The following BSPH1 variants were observed in gnomAD, a reference collection of about 807,000 sequenced individuals.
BSPH1 encodes binder of sperm protein homolog 1.
Under a neutral mutation model 22.5 loss-of-function variants are expected in BSPH1, and 21 were observed. The ratio of observed to expected loss-of-function variants is 0.93; its 90% CI spans 0.66 to 1.35. The LOEUF (loss-of-function observed/expected upper bound fraction) is 1.35, where lower values mean the gene tolerates loss of function less well. Ranked by LOEUF, BSPH1 falls within the 40% of genes most tolerant of loss-of-function variation. The pLI is 0.00. For missense variants in BSPH1, 141 were observed against 154.2 expected, an observed-to-expected ratio of 0.91 and a Z score of 0.45; for synonymous variants, 42 against 53.6, an observed-to-expected ratio of 0.78 and a Z score of 0.95.
At chr19:47,990,620 A>AT (rs11415530) in intron 1 of BSPH1, among the ~76,000 whole-genome samples, 26,163 of 150,662 alleles carry the variant, frequency 0.17, 2,495 homozygotes, top group Non-Finnish European at 0.22. Context: ...AAGCAGTGTT[A>AT]TTTTTTTTTA....
intron 1 of BSPH1, 139 bp from the exon 2 acceptor site, chr19:47,981,080 T>C (rs1969415711): frequency 6.3e-6 from 3 of 475,466 alleles, no homozygotes; most frequent in Non-Finnish European, 1.1e-5. Context: ...TTATTTTTAG[T>C]AGTGTGATTG....
At chr19:47,976,604 A>AAAAAAACC in intron 5 of BSPH1, 106 bp downstream of exon 5, 1 of 796,628 alleles carries the variant, frequency 1.3e-6, no homozygotes, top group Non-Finnish European at 1.9e-6. Flanking sequence ...AAACAAAAAA[A>AAAAAAACC]AACCCTCTCT....
intron 1 of BSPH1, among the ~76,000 whole-genome samples, chr19:47,982,581 C>A (rs991371927): frequency 2.0e-5 from 3 of 152,172 alleles, no homozygotes; most frequent in African/African-American, 7.2e-5. Flanking sequence ...TTTTTAAAAA[C>A]CCAGATCCCT....
chr19:47,983,576 A>G (rs1162242880), intron 1 of BSPH1, among the ~76,000 whole-genome samples: 1 of 152,138 alleles, frequency 6.6e-6, no homozygotes, highest in Non-Finnish European at 1.5e-5. Context: ...CCTCGGTGCT[A>G]TAAAATTATG....
At chr19:47,977,151 T>C (rs1302811668) in intron 4 of BSPH1, among the ~76,000 whole-genome samples, 3 of 152,252 alleles carry the variant, frequency 2.0e-5, no homozygotes, top group Non-Finnish European at 4.4e-5. Flanking sequence ...ATCACTTTGC[T>C]GTTCTATTAA....
chr19:47,977,750 T>C (rs1200717868), intron 3 of BSPH1: 2 of 879,932 alleles, frequency 2.3e-6, no homozygotes, highest in African/African-American at 1.8e-5. Context: ...TGCTTAGCAT[T>C]TGCCCCAGTT....
At chr19:47,975,504 T>G (rs918722966) in intron 5 of BSPH1, among the ~76,000 whole-genome samples, 4 of 152,234 alleles carry the variant, frequency 2.6e-5, no homozygotes, top group Non-Finnish European at 5.9e-5. Flanking sequence ...CACCCATCTT[T>G]GTTGCCCTTG....
intron 1 of BSPH1, among the ~76,000 whole-genome samples, chr19:47,989,140 ATTAT>A (rs1375590923): frequency 1.4e-5 from 2 of 146,538 alleles, no homozygotes; most frequent in Admixed American, 6.9e-5. Context: ...TATTATTATT[ATTAT>A]TATTATTATT....
chr19:47,984,544 A>G (rs1969451141), intron 1 of BSPH1, among the ~76,000 whole-genome samples: 1 of 152,178 alleles, frequency 6.6e-6, no homozygotes, highest in African/African-American at 2.4e-5. Flanking sequence ...GTTAAACCCA[A>G]ATCGAAATTG....
Position 47,983,030 on chromosome 19 carries a change from T to C in BSPH1, c.74-2089A>G, listed in dbSNP as rs138922264. On this transcript the variant is annotated intron_variant, in intron 1 of 5. Coordinates refer to ENST00000344839, the MANE Select transcript of BSPH1 (RefSeq NM_001128326.2). ...ACAATGAAAAGGCTCTGGAGATAGATTGCACAATTTGAATGCATTGAATGC... is the reference window on the plus strand; with the variant it reads ...ACAATGAAAAGGCTCTGGAGATAGACTGCACAATTTGAATGCATTGAATGC... Among the ~76,000 whole-genome samples, 86 of 152,294 alleles carry C rather than the reference T, an allele frequency of 5.6e-4. No homozygotes were observed. In the East Asian group the frequency reaches 0.015, roughly 26 times the overall value.
chr19:47,969,259 G>A lies in BSPH1; in HGVS notation c.*3-1050C>T, dbSNP rs111868532. Among the ~76,000 whole-genome samples the A allele has an allele frequency of 1.1e-3, 172 of 152,208 alleles. 1 individual carries two copies. Among genetic ancestry groups the A allele is most frequent in the African/African-American group, 3.8e-3 (157 of 41,550 alleles). ...AAACAGACTCTTAGGTTTGGGGCTG[G>A]GCAAATGGGTGGATGGTCATGAGAT... On this transcript the variant is annotated intron_variant, in intron 5 of 5. Transcript: ENST00000344839.
chr19:47,986,043 GC>G (rs1969467335), intron 1 of BSPH1, among the ~76,000 whole-genome samples: 1 of 152,094 alleles, frequency 6.6e-6, no homozygotes, highest in Admixed American at 6.5e-5. Context: ...AAGCTACGGA[GC>G]CCCAGAGGAG....
In BSPH1 at chr19:47,974,269, CT is replaced by C. The variant is rs558434334; in HGVS notation, c.*2+2440del. Among the ~76,000 whole-genome samples, 259 of 75,980 alleles carry C rather than the reference CT, an allele frequency of 3.4e-3. 2 individuals are homozygous for C. Among genetic ancestry groups the C allele is most frequent in the South Asian group, 9.7e-3 (25 of 2,578 alleles). The allele number at this position is 75,980 out of a possible 152,430, so 49.8% of individuals were successfully genotyped here. The stretch of plus-strand genomic sequence containing the variant: ...CCACAGCCACTTTCTCTCTCTCTCT[CT>C]TTTTTTTTTTTTTTTTTGAGATGGA... On this transcript the variant is annotated intron_variant, in intron 5 of 5. Transcript: ENST00000344839.
rs1426252094 is a variant in BSPH1, at chr19:47,976,748, A to C, written c.363T>G (p.Asn121Lys). Residue 121 changes from asparagine (N) to lysine (K), a missense_variant, in exon 5 of 6, where the codon AAT (asparagine) becomes AAG (lysine). Asn to Lys is a moderately conservative substitution (Grantham distance 94). Coordinates refer to ENST00000344839, the MANE Select transcript of BSPH1 (RefSeq NM_001128326.2). Reference sequence around the variant, plus strand: ...ATTTCCAAATTCGGTCCTTGTTAAAATTCTTGGTCAGTGAACACCATTTTT... The same window carrying C: ...ATTTCCAAATTCGGTCCTTGTTAAACTTCTTGGTCAGTGAACACCATTTTT... ...FGKKWCSLTK[N>K]FNKDRIWKYC... 1 of 1,551,876 alleles carries C rather than the reference A, an allele frequency of 6.4e-7. No individual in the cohort carries two copies. The highest frequency in any genetic ancestry group is 8.7e-7 in the Non-Finnish European group (1 of 1,146,978).
At chr19:47,976,173 G>A (rs1969360766) in intron 5 of BSPH1, among the ~76,000 whole-genome samples, 2 of 143,588 alleles carry the variant, frequency 1.4e-5, no homozygotes, top group Non-Finnish European at 3.1e-5. Context: ...TTATTTTAGA[G>A]GTGGGTCTCT....
chr19:47,974,246 A>G (rs370627517), intron 5 of BSPH1, among the ~76,000 whole-genome samples: 1 of 145,092 alleles, frequency 6.9e-6, no homozygotes, highest in Non-Finnish European at 1.5e-5. Context: ...GGTCACTTCC[A>G]CAGCCACTTT....
chr19:47,991,360 C>A (rs889500945), intron 1 of BSPH1, among the ~76,000 whole-genome samples: 1 of 151,866 alleles, frequency 6.6e-6, no homozygotes, highest in Non-Finnish European at 1.5e-5. Flanking sequence ...CCTGTCCCTC[C>A]TCTCTTTCCC....
intron 1 of BSPH1, among the ~76,000 whole-genome samples, chr19:47,989,594 G>A (rs1162672309): frequency 6.6e-6 from 1 of 152,030 alleles, no homozygotes; most frequent in South Asian, 2.1e-4. Flanking sequence ...GCAAGCTCAG[G>A]AGTCCAGATT....
At chr19:47,981,838 A>G (rs1969423171) in intron 1 of BSPH1, 1 of 538,980 alleles carries the variant, frequency 1.9e-6, no homozygotes, top group African/African-American at 2.1e-5. Flanking sequence ...AACCTGTAAT[A>G]TTTACCTCCC....
Sources: allele counts gnomAD v4.1 joint callset (sites outside exome capture counted in the v4.1 genomes callset), GRCh38; gene constraint gnomAD v4.1.1; transcripts MANE v1.5; gene names NCBI Gene and HGNC (gene_info 2026-07-23, HGNC 2026-07-21).